The following FAM76A variants were observed in gnomAD, a reference collection of about 807,000 sequenced individuals.
The protein encoded by FAM76A is protein FAM76A.
Under a neutral mutation model 46.2 loss-of-function variants are expected in FAM76A, and 32 were observed. That is an observed-to-expected ratio of 0.69 (90% CI 0.52 to 0.93). FAM76A has a LOEUF of 0.93. Ranked by LOEUF, FAM76A falls within the 40% of genes least tolerant of loss-of-function variation. The pLI is 0.00. For missense variants in FAM76A, 274 were observed against 361.5 expected (o/e 0.76, Z 1.96); for synonymous variants, 137 against 127.0 (o/e 1.08, Z -0.53).
chr1:27,745,511 A>G (rs2088227496), intron 5 of FAM76A, among the ~76,000 whole-genome samples: 1 of 152,206 alleles, frequency 6.6e-6, no homozygotes, highest in Non-Finnish European at 1.5e-5. Context: ...AGCATTAAGT[A>G]TTCTCACGGG....
At chr1:27,726,265 G>A (rs985067289) in intron 1 of FAM76A, 104 bp downstream of exon 1, 3 of 1,057,608 alleles carry the variant, frequency 2.8e-6, no homozygotes, top group Admixed American at 8.7e-5. Flanking sequence ...AGCAGGGTGT[G>A]GCAGGCCCGC....
At position 27,749,081 on chromosome 1, in the gene FAM76A, T is replaced by A; in HGVS notation, c.526T>A (p.Ser176Thr). 1 of 1,600,558 alleles carries A rather than the reference T, an allele frequency of 6.2e-7. No individual in the cohort carries two copies. The highest frequency in any genetic ancestry group is 8.5e-7 in the Non-Finnish European group (1 of 1,176,590). ...TGCCATTAAAAGCCAGAAAACACTT[T>A]CTACATCTTCAATTCAAAATGAAAT... The part of the protein sequence containing the change: ...GGHYNSQKTL[S>T]TSSIQNEIPK... Residue 176 changes from serine to threonine, a missense_variant, in exon 6 of 9, where the codon TCT (serine) becomes ACT (threonine). Transcript: ENST00000373954.
chr1:27,729,207 ATTTT>A (rs559802429), intron 2 of FAM76A, among the ~76,000 whole-genome samples: 5 of 146,998 alleles, frequency 3.4e-5, no homozygotes, highest in African/African-American at 1.2e-4. Context: ...TTTATCATGG[ATTTT>A]TTTTTTTCTT....
At chr1:27,730,196 T>C in intron 2 of FAM76A, 1 of 225,680 alleles carries the variant, frequency 4.4e-6, no homozygotes, top group Non-Finnish European at 8.9e-6. Flanking sequence ...TTTTTTGTTG[T>C]TGTTGTTGAG....
chr1:27,749,109 C>A lies in FAM76A; in HGVS notation c.554C>A (p.Pro185Gln). Residue 185 changes from proline to glutamine, a missense_variant, in exon 6 of 9, where the codon CCA (proline) becomes CAA (glutamine). Physicochemically the swap from Pro to Gln is moderately conservative, Grantham distance 76 (BLOSUM62 -1). Coordinates refer to ENST00000373954, the MANE Select transcript of FAM76A (RefSeq NM_152660.3). The part of the protein sequence containing the change: ...LSTSSIQNEI[P>Q]KKKSKFESIT... ...ACATCTTCAATTCAAAATGAAATCCCAAAGAAAAAGTCCAAGTTTGAGTCA... is the reference window on the plus strand; with the variant it reads ...ACATCTTCAATTCAAAATGAAATCCAAAAGAAAAAGTCCAAGTTTGAGTCA... 6.2e-7 allele frequency: 1 copy of A among 1,606,822 alleles called. No individual in the cohort carries two copies. The highest frequency in any genetic ancestry group is 8.5e-7 in the Non-Finnish European group (1 of 1,178,386).
rs1247783380 is a variant in FAM76A, at chr1:27,761,366, A to G, written c.*785A>G. On this transcript the variant is annotated 3_prime_UTR_variant, in exon 9 of 9. Transcript: ENST00000373954. ...CTGATTGCTAAGGTGAAACAATTCA[A>G]TGCATAAGTATGGAGCTAAGTGCCT... is the stretch of plus-strand genomic sequence containing the variant. 3 of 152,578 alleles carry G rather than the reference A, an allele frequency of 2.0e-5. No individual in the cohort carries two copies. Among genetic ancestry groups the G allele is most frequent in the Non-Finnish European group, 4.4e-5 (3 of 68,034 alleles). The allele number at this position is 152,578 out of a possible 1,614,324, so 9.5% of individuals were successfully genotyped here. A position where few individuals can be genotyped will look rare whatever the true frequency, so the allele number is the denominator to read the frequency against.
At chr1:27,759,768 T>TTTTTTTTTTG in intron 8 of FAM76A, 141 bp downstream of exon 8, 1 of 622,676 alleles carries the variant, frequency 1.6e-6, no homozygotes, top group South Asian at 2.1e-5. Context: ...CCTTTTAGGT[T>TTTTTTTTTTG]TTTTTTTTTT....
At chr1:27,757,027 C>G (rs1042338179) in intron 7 of FAM76A, among the ~76,000 whole-genome samples, 1 of 151,778 alleles carries the variant, frequency 6.6e-6, no homozygotes, top group Non-Finnish European at 1.5e-5. Flanking sequence ...CCACTGCACT[C>G]CAGCCTGTGG....
chr1:27,744,120 T>A (rs1441053663), intron 4 of FAM76A, among the ~76,000 whole-genome samples: 1 of 151,998 alleles, frequency 6.6e-6, no homozygotes, highest in African/African-American at 2.4e-5. Context: ...GAAATTTATT[T>A]ATTTAATTTA....
chr1:27,737,168 C>T (rs1000847628), intron 4 of FAM76A, among the ~76,000 whole-genome samples: 4 of 152,062 alleles, frequency 2.6e-5, no homozygotes, highest in Admixed American at 6.6e-5. Flanking sequence ...AGGCTGCTCT[C>T]GAATTGCTGA....
intron 5 of FAM76A, among the ~76,000 whole-genome samples, chr1:27,747,371 G>A (rs1384195732): frequency 1.3e-5 from 2 of 152,154 alleles, no homozygotes; most frequent in African/African-American, 2.4e-5. Context: ...ATGACCAAAC[G>A]AGGAGAACAT....
At chr1:27,747,398 T>C (rs2088258630) in intron 5 of FAM76A, among the ~76,000 whole-genome samples, 1 of 152,186 alleles carries the variant, frequency 6.6e-6, no homozygotes, top group African/African-American at 2.4e-5. Flanking sequence ...AAGGATGCAG[T>C]ATCAGTGGTA....
At position 27,762,367 on chromosome 1, in the gene FAM76A, G is replaced by A. The variant is rs1265741484; in HGVS notation, c.*1786G>A. On this transcript the variant is annotated 3_prime_UTR_variant, in exon 9 of 9. Coordinates refer to ENST00000373954, the MANE Select transcript of FAM76A (RefSeq NM_152660.3). Reference sequence around the variant, plus strand: ...CTACCCTAGAATCATTTATGCAGGGGGTACTAGAGTTAGAAATAATAATGA... The same window carrying A: ...CTACCCTAGAATCATTTATGCAGGGAGTACTAGAGTTAGAAATAATAATGA... 3 of 152,038 alleles carry A rather than the reference G, an allele frequency of 2.0e-5. No individual in the cohort carries two copies. The highest frequency in any genetic ancestry group is 2.0e-4 in the Admixed American group (3 of 15,266). The allele number at this position is 152,038 out of a possible 1,614,324, so 9.4% of individuals were successfully genotyped here. A position where few individuals can be genotyped will look rare whatever the true frequency, so the allele number is the denominator to read the frequency against.
intron 4 of FAM76A, among the ~76,000 whole-genome samples, chr1:27,742,023 A>G (rs2088163669): frequency 6.6e-6 from 1 of 152,102 alleles, no homozygotes; most frequent in Non-Finnish European, 1.5e-5. Flanking sequence ...CTTTAGTAAA[A>G]TGGAAGCAGT....
chr1:27,746,399 A>C (rs1441037136), intron 5 of FAM76A, among the ~76,000 whole-genome samples: 1 of 152,168 alleles, frequency 6.6e-6, no homozygotes, highest in Admixed American at 6.6e-5. Flanking sequence ...AGAACTTAGA[A>C]GAGAGGTTTG....
chr1:27,753,065 C>T (rs1252763662), intron 6 of FAM76A, among the ~76,000 whole-genome samples: 2 of 152,150 alleles, frequency 1.3e-5, no homozygotes, highest in South Asian at 2.1e-4. Flanking sequence ...GAGGCTAAGG[C>T]GGGAGAATCA....
chr1:27,726,578 C>T (rs1457285650), intron 1 of FAM76A, among the ~76,000 whole-genome samples: 1 of 151,960 alleles, frequency 6.6e-6, no homozygotes, highest in Non-Finnish European at 1.5e-5. Flanking sequence ...AACTCGGGCT[C>T]CTCACGGGCA....
At chr1:27,747,915 A>G (rs542831416) in intron 5 of FAM76A, among the ~76,000 whole-genome samples, 1 of 151,990 alleles carries the variant, frequency 6.6e-6, no homozygotes, top group Admixed American at 6.6e-5. Context: ...GTGAGACTCC[A>G]TCTCAAAAAA....
intron 8 of FAM76A, 62 bp downstream of exon 8, chr1:27,759,689 T>C (rs1283503592): frequency 6.3e-6 from 7 of 1,107,970 alleles, no homozygotes; most frequent in Non-Finnish European, 9.4e-6. Context: ...ACCTAGCTGA[T>C]TGTATTTTAA....
Sources: allele counts gnomAD v4.1 joint callset (sites outside exome capture counted in the v4.1 genomes callset), GRCh38; gene constraint gnomAD v4.1.1; transcripts MANE v1.5; gene names NCBI Gene and HGNC (gene_info 2026-07-23, HGNC 2026-07-21).